Variants in WWOX observed in about 807,000 individuals in gnomAD.
The protein encoded by WWOX is WW domain-containing oxidoreductase.
In WWOX, 69 loss-of-function variants were observed where a neutral mutation model predicts 46.2. That is an observed-to-expected ratio of 1.49 (90% CI 1.23 to 1.82). WWOX has a LOEUF of 1.82. Among genes scored for constraint, WWOX ranks in the 40% most tolerant of loss-of-function variants. WWOX has a pLI of 0.00. For synonymous variants in WWOX, 359 were observed against 202.6 expected, an observed-to-expected ratio of 1.77 and a Z score of -6.56; for missense variants, 919 against 542.6, an observed-to-expected ratio of 1.69 and a Z score of -6.89.
At chr16:78,227,571 G>C (rs528362318) in intron 5 of WWOX, among the ~76,000 whole-genome samples, 135 of 152,258 alleles carry the variant, frequency 8.9e-4, no homozygotes, top group Admixed American at 2.3e-3. Context: ...CGCAGGAGAA[G>C]TTGTTCAGGT....
At chr16:78,513,884 C>A (rs971147397) in intron 8 of WWOX, among the ~76,000 whole-genome samples, 2 of 149,388 alleles carry the variant, frequency 1.3e-5, no homozygotes, top group Admixed American at 6.7e-5. Context: ...ATTTATATTA[C>A]AGTTCCCACT....
chr16:78,886,025 A>G lies in WWOX; in HGVS notation c.1057-325583A>G, dbSNP rs2044449417. 2.0e-5 allele frequency among the ~76,000 whole-genome samples: 3 copies of G among 150,670 alleles called. 1 individual carries two copies. In the South Asian group the frequency reaches 6.3e-4, roughly 32 times the overall value. ...CTGCAACCTCTGCCTCCCAAGTTCA[A>G]GCAATTCTCCCACCTCAGCATCCTG... On this transcript the variant is annotated intron_variant, in intron 8 of 8. Coordinates refer to ENST00000566780, the MANE Select transcript of WWOX (RefSeq NM_016373.4).
chr16:78,758,388 A>C (rs1175264426), intron 8 of WWOX, among the ~76,000 whole-genome samples: 2 of 152,220 alleles, frequency 1.3e-5, no homozygotes, highest in Non-Finnish European at 2.9e-5. Flanking sequence ...AGACAAAGGG[A>C]ATAATAACTA....
intron 8 of WWOX, among the ~76,000 whole-genome samples, chr16:78,770,864 T>C (rs1207171948): frequency 6.6e-6 from 1 of 152,236 alleles, no homozygotes; most frequent in Non-Finnish European, 1.5e-5. Context: ...CTGTGGACGG[T>C]TGGCACCGAT....
intron 8 of WWOX, among the ~76,000 whole-genome samples, chr16:78,815,902 C>G (rs561162360): frequency 8.5e-5 from 13 of 152,102 alleles, no homozygotes; most frequent in Non-Finnish European, 1.5e-4. Flanking sequence ...ATACAGGGCT[C>G]AGAGGTTCTC....
intron 8 of WWOX, among the ~76,000 whole-genome samples, chr16:78,523,068 C>A (rs79017093): frequency 6.6e-6 from 1 of 151,876 alleles, no homozygotes; most frequent in Admixed American, 6.6e-5. Context: ...TGAAACCCAT[C>A]CCCCAAAAAA....
intron 5 of WWOX, among the ~76,000 whole-genome samples, chr16:78,194,386 A>G (rs1026538115): frequency 1.3e-5 from 2 of 151,452 alleles, no homozygotes; most frequent in Admixed American, 6.6e-5. Flanking sequence ...TCAGGAGTTC[A>G]AGACCAGCCT....
At chr16:78,970,684 A>T (rs1204730559) in intron 8 of WWOX, among the ~76,000 whole-genome samples, 1 of 152,220 alleles carries the variant, frequency 6.6e-6, no homozygotes, top group East Asian at 1.9e-4. Context: ...ATTTGAGGCC[A>T]TAATTTAAAA....
intron 8 of WWOX, among the ~76,000 whole-genome samples, chr16:78,993,938 G>T (rs1205469171): frequency 6.6e-6 from 1 of 152,154 alleles, no homozygotes; most frequent in African/African-American, 2.4e-5. Flanking sequence ...TCCCCCGTGG[G>T]AACAGTGTGG....
At chr16:79,013,092 T>A (rs1424046557) in intron 8 of WWOX, among the ~76,000 whole-genome samples, 1 of 152,170 alleles carries the variant, frequency 6.6e-6, no homozygotes, top group Admixed American at 6.5e-5. Flanking sequence ...ATGCTACCAG[T>A]GAGCAGGAAG....
At chr16:78,887,829 G>A (rs919173851) in intron 8 of WWOX, among the ~76,000 whole-genome samples, 1 of 152,130 alleles carries the variant, frequency 6.6e-6, no homozygotes, top group Non-Finnish European at 1.5e-5. Context: ...TTAGGACTCT[G>A]TCTCTTTAAG....
At chr16:78,859,031 T>C (rs1273066671) in intron 8 of WWOX, among the ~76,000 whole-genome samples, 1 of 20,930 alleles carries the variant, frequency 4.8e-5, no homozygotes, top group Non-Finnish European at 1.3e-4. Flanking sequence ...AAAAAAAATA[T>C]ATATATATAT....
chr16:79,169,567 A>C (rs554373457), intron 8 of WWOX, among the ~76,000 whole-genome samples: 2 of 152,336 alleles, frequency 1.3e-5, no homozygotes, highest in South Asian at 4.1e-4. Context: ...CCCAGAATCA[A>C]GGATGGGGAA....
intron 6 of WWOX, among the ~76,000 whole-genome samples, chr16:78,400,416 A>T (rs1265771790): frequency 6.6e-6 from 1 of 152,048 alleles, no homozygotes; most frequent in Non-Finnish European, 1.5e-5. Flanking sequence ...TGTGTGAGGA[A>T]TCAGCTGGGA....
At chr16:78,586,482 G>A (rs2045212015) in intron 8 of WWOX, among the ~76,000 whole-genome samples, 1 of 152,100 alleles carries the variant, frequency 6.6e-6, no homozygotes, top group African/African-American at 2.4e-5. Context: ...CCTACCACCT[G>A]CCAGTTGCTG....
intron 8 of WWOX, among the ~76,000 whole-genome samples, chr16:78,864,218 G>C (rs191468526): frequency 2.0e-5 from 3 of 151,930 alleles, no homozygotes; most frequent in Non-Finnish European, 4.4e-5. Flanking sequence ...ATAAATTTTT[G>C]ATGTTGGATA....
intron 8 of WWOX, among the ~76,000 whole-genome samples, chr16:78,557,572 G>T (rs1330507195): frequency 6.6e-6 from 1 of 152,034 alleles, no homozygotes. Flanking sequence ...GAAGGGAGTG[G>T]CACTATAGCT....
At chr16:79,003,793 G>C (rs187368222) in intron 8 of WWOX, among the ~76,000 whole-genome samples, 1 of 152,168 alleles carries the variant, frequency 6.6e-6, no homozygotes, top group Non-Finnish European at 1.5e-5. Context: ...TCAGAAGGCA[G>C]AGGGTGTCAC....
At chr16:78,626,566 T>C (rs1281516674) in intron 8 of WWOX, among the ~76,000 whole-genome samples, 1 of 152,200 alleles carries the variant, frequency 6.6e-6, no homozygotes, top group Non-Finnish European at 1.5e-5. Flanking sequence ...CTCTTCACTG[T>C]TGATGGTGAC....
Sources: allele counts gnomAD v4.1 joint callset (sites outside exome capture counted in the v4.1 genomes callset), GRCh38; gene constraint gnomAD v4.1.1; transcripts MANE v1.5; gene names NCBI Gene and HGNC (gene_info 2026-07-23, HGNC 2026-07-21).